Variants in TET3 observed in about 807,000 individuals in gnomAD.
The protein encoded by TET3 is methylcytosine dioxygenase TET3.
In TET3, 19 loss-of-function variants were observed where a neutral mutation model predicts 141.4. The ratio of observed to expected loss-of-function variants is 0.13; its 90% CI spans 0.09 to 0.20. The LOEUF (loss-of-function observed/expected upper bound fraction) is 0.20, where lower values mean the gene tolerates loss of function less well. Ranked by LOEUF, TET3 falls within the 10% of genes least tolerant of loss-of-function variation. The pLI, the probability that TET3 is intolerant of heterozygous loss-of-function variation, is 1.00. For missense variants in TET3, 1,874 were observed against 2,356.9 expected, an observed-to-expected ratio of 0.80 and a Z score of 4.24; for synonymous variants, 1,043 against 980.9, an observed-to-expected ratio of 1.06 and a Z score of -1.18.
chr2:74,018,548 A>G (rs1011930774), intron 3 of TET3, among the ~76,000 whole-genome samples: 1 of 152,126 alleles, frequency 6.6e-6, no homozygotes, highest in Non-Finnish European at 1.5e-5. Context: ...GTTATCCCCA[A>G]TCTATTTATT....
chr2:73,985,616 C>T lies in TET3; in HGVS notation c.-424-364C>T, dbSNP rs537102489. On this transcript the variant is annotated intron_variant, in intron 1 of 11. Transcript: ENST00000409262. ...CAGTCCCGCCGAGCGAGGCTCTCAGCAAACTTTATTTTGAAAGCTCAGCTC... is the reference window on the plus strand; with the variant it reads ...CAGTCCCGCCGAGCGAGGCTCTCAGTAAACTTTATTTTGAAAGCTCAGCTC... Among the ~76,000 whole-genome samples, 49 of 150,850 alleles carry T rather than the reference C, an allele frequency of 3.2e-4. 1 individual carries two copies. The South Asian group carries it at 8.5e-3, about 26-fold the overall frequency.
rs1195798517 is a variant in TET3, at chr2:74,105,646, C to G, written c.*3470C>G. The G allele has an allele frequency of 2.8e-6, 1 of 357,588 alleles. No homozygotes were observed. The highest frequency in any genetic ancestry group is 5.0e-6 in the Non-Finnish European group (1 of 200,028). The allele number at this position is 357,588 out of a possible 1,614,324, so 22.2% of individuals were successfully genotyped here. ...CCACCGCCCCCTCTTGGTCCTTCCA[C>G]CAGCCTCTTTTGGGAACAGTAGTTT... On this transcript the variant is annotated 3_prime_UTR_variant, in exon 12 of 12. Transcript: ENST00000409262.
intron 3 of TET3, among the ~76,000 whole-genome samples, chr2:74,016,187 G>A (rs1426944229): frequency 6.6e-6 from 1 of 152,046 alleles, no homozygotes; most frequent in Non-Finnish European, 1.5e-5. Context: ...GGGCAACATA[G>A]TGAGACCCCA....
intron 4 of TET3, among the ~76,000 whole-genome samples, chr2:74,065,595 C>T (rs1688840145): frequency 7.3e-6 from 1 of 136,500 alleles, no homozygotes; most frequent in Admixed American, 7.1e-5. Context: ...TTCGTCCGTC[C>T]TTCCTTCCGT....
the TET3 span, among the ~76,000 whole-genome samples, chr2:74,128,992 T>TAAAAAAAAAAAAAAAA: frequency 5.1e-5 from 4 of 77,934 alleles, no homozygotes; most frequent in African/African-American, 2.4e-4. Flanking sequence ...TGTCTCAATT[T>TAAAAAAAAAAAAAAAA]AAAAAAAAAA....
At chr2:73,999,312 T>C (rs1376954779) in intron 2 of TET3, among the ~76,000 whole-genome samples, 1 of 152,224 alleles carries the variant, frequency 6.6e-6, no homozygotes, top group African/African-American at 2.4e-5. Flanking sequence ...ACTTAGCCTG[T>C]CTGTATCCCA....
intron 3 of TET3, among the ~76,000 whole-genome samples, chr2:74,034,480 A>G (rs1020378924): frequency 6.6e-6 from 1 of 150,948 alleles, no homozygotes; most frequent in African/African-American, 2.4e-5. Context: ...AGTCTTCATT[A>G]TATAAGTTTG....
At chr2:74,005,850 C>A (rs143639233) in intron 3 of TET3, among the ~76,000 whole-genome samples, 27 of 152,260 alleles carry the variant, frequency 1.8e-4, no homozygotes, top group African/African-American at 5.5e-4. Flanking sequence ...CATGTCTACC[C>A]GTGATATCTC....
chr2:74,048,543 G>A, intron 4 of TET3, 132 bp downstream of exon 4: 1 of 1,011,902 alleles, frequency 9.9e-7, no homozygotes, highest in South Asian at 1.7e-5. Flanking sequence ...TGGGAACACA[G>A]AAATGAGCTC....
intron 3 of TET3, among the ~76,000 whole-genome samples, chr2:74,013,519 T>A (rs1420367864): frequency 6.6e-6 from 1 of 152,012 alleles, no homozygotes; most frequent in Non-Finnish European, 1.5e-5. Context: ...TCGATTCTTT[T>A]TATTGGGGCT....
At chr2:74,032,256 T>A (rs145355636) in intron 3 of TET3, among the ~76,000 whole-genome samples, 36 of 152,270 alleles carry the variant, frequency 2.4e-4, no homozygotes, top group African/African-American at 8.7e-4. Flanking sequence ...TAGCAATGCA[T>A]GCTTTCTGTT....
At chr2:74,032,481 G>GCGCGCGCGCGCGATGGCCCCAGCGGC (rs1558730061) in intron 3 of TET3, among the ~76,000 whole-genome samples, 1 of 150,490 alleles carries the variant, frequency 6.6e-6, no homozygotes, top group African/African-American at 2.5e-5. Flanking sequence ...GTGTGTGTGT[G>GCGCGCGCGCGCGATGGCCCCAGCGGC]TGTGTGTGTG....
At chr2:74,049,122 G>C (rs1249291982) in intron 4 of TET3, among the ~76,000 whole-genome samples, 1 of 152,176 alleles carries the variant, frequency 6.6e-6, no homozygotes, top group African/African-American at 2.4e-5. Flanking sequence ...GAAAGAGCCG[G>C]TGGCAGAGGG....
At chr2:74,124,055 C>T in the TET3 span, among the ~76,000 whole-genome samples, 1 of 151,642 alleles carries the variant, frequency 6.6e-6, no homozygotes, top group South Asian at 2.1e-4. Context: ...AGGAGCCCCT[C>T]CGCCCGGCAG....
At chr2:74,062,104 A>G (rs1688626443) in intron 4 of TET3, among the ~76,000 whole-genome samples, 1 of 152,210 alleles carries the variant, frequency 6.6e-6, no homozygotes, top group Non-Finnish European at 1.5e-5. Flanking sequence ...AGCCGAGAGC[A>G]CGCCACTGCA....
chr2:74,051,122 A>C (rs1687919656), intron 4 of TET3, among the ~76,000 whole-genome samples: 1 of 152,208 alleles, frequency 6.6e-6, no homozygotes, highest in South Asian at 2.1e-4. Flanking sequence ...GTGCATAAGC[A>C]CAGTCTTGGG....
At chr2:74,125,323 C>A in the TET3 span, among the ~76,000 whole-genome samples, 1 of 152,152 alleles carries the variant, frequency 6.6e-6, no homozygotes, top group Non-Finnish European at 1.5e-5. Flanking sequence ...TTTCTCCCTA[C>A]AACATGACTC....
In TET3 at chr2:74,046,753, G is replaced by T; in HGVS notation, c.836G>T (p.Cys279Phe). ...AACTGCAACTGCGATGGCCCAGAAT[G>T]CCCTGACTACCTCGAGTGGCTGGAG... ...PPNCNCDGPE[C>F]PDYLEWLEGK... The change falls in exon 4 of 12, where the codon TGC (cysteine) becomes TTC (phenylalanine). Residue 279 changes from cysteine (C) to phenylalanine (F), a missense_variant. Physicochemically the swap from Cys to Phe is radical, Grantham distance 205. Coordinates refer to ENST00000409262, the MANE Select transcript of TET3 (RefSeq NM_001287491.2). The surrounding 1 kb of genome is among the most constrained non-coding windows in gnomAD (Gnocchi z 4.3). 1 of 1,613,884 alleles carries T rather than the reference G, an allele frequency of 6.2e-7. No individual in the cohort carries two copies. Among genetic ancestry groups the T allele is most frequent in the Non-Finnish European group, 8.5e-7 (1 of 1,179,884 alleles).
the TET3 span, among the ~76,000 whole-genome samples, chr2:74,119,783 A>G: frequency 6.6e-5 from 10 of 152,208 alleles, no homozygotes; most frequent in South Asian, 2.1e-4. Flanking sequence ...TATAATTCCT[A>G]TATTTATTGG....
Sources: gnomAD v4.1 joint callset for allele counts (sites outside exome capture counted in the v4.1 genomes callset) on GRCh38, gnomAD v4.1.1 for gene constraint, Gnocchi (gnomAD v3.1) non-coding constraint, MANE v1.5 for transcripts, NCBI Gene and HGNC (gene_info 2026-07-23, HGNC 2026-07-21) for gene names.